Variants in OTULIN observed in about 807,000 individuals in gnomAD.
OTULIN encodes the protein OTU deubiquitinase with linear linkage specificity, also known as ubiquitin thioesterase otulin.
A neutral mutation model predicts 39.6 loss-of-function variants in OTULIN; 15 were observed. The ratio of observed to expected loss-of-function variants is 0.38; its 90% confidence interval spans 0.25 to 0.58. OTULIN has a LOEUF of 0.58. Among genes scored for constraint, OTULIN ranks in the 20% least tolerant of loss-of-function variants. OTULIN has a pLI of 0.66. For missense variants in OTULIN, 319 were observed against 445.9 expected (o/e 0.72, Z 2.56); for synonymous variants, 156 against 170.3 (o/e 0.92, Z 0.65).
chr5:14,712,851 G>A, the OTULIN span: 1 of 1,578,640 alleles, frequency 6.3e-7, no homozygotes, highest in Non-Finnish European at 8.6e-7. Context: ...CCCGGGAGGA[G>A]GCTCCCGGCG....
At chr5:14,689,638 G>A (rs1049958603) in intron 5 of OTULIN, among the ~76,000 whole-genome samples, 1 of 152,170 alleles carries the variant, frequency 6.6e-6, no homozygotes, top group Non-Finnish European at 1.5e-5. Flanking sequence ...GGTTGGCTTT[G>A]TGTTTCTGGG....
intron 1 of OTULIN, among the ~76,000 whole-genome samples, chr5:14,667,185 G>C (rs1237703337): frequency 6.6e-6 from 1 of 152,182 alleles, no homozygotes; most frequent in Non-Finnish European, 1.5e-5. Context: ...ACAAATCATA[G>C]CCCAACTTCT....
In OTULIN at chr5:14,693,327, T is replaced by C. The variant is rs2126342671; in HGVS notation, c.*279T>C. On this transcript the variant is annotated 3_prime_UTR_variant, in exon 7 of 7. Coordinates refer to ENST00000284274, the MANE Select transcript of OTULIN (RefSeq NM_138348.6). ...ATCTTCTCCAGAAGGCAAATACTTT[T>C]GTATCAGAGGAAACTCAGTTTTGGA... is the stretch of plus-strand genomic sequence containing the variant. 3.3e-6 allele frequency: 1 copy of C among 302,768 alleles called. No individual in the cohort carries two copies. Among genetic ancestry groups the C allele is most frequent in the African/African-American group, 2.1e-5 (1 of 46,922 alleles). The allele number at this position is 302,768 out of a possible 1,614,324, so 18.8% of individuals were successfully genotyped here.
rs533773687 is a variant in OTULIN at position 14,695,398 on chromosome 5, G to T, written c.*2350G>T. ...AATGGAGATTAAGTGGATTCAGGAG[G>T]ATGTTCCACTTAGAGCAGTCTTCAA... On this transcript the variant is annotated 3_prime_UTR_variant, in exon 7 of 7. Coordinates refer to ENST00000284274, the MANE Select transcript of OTULIN (RefSeq NM_138348.6). 6.6e-6 allele frequency: 1 copy of T among 152,306 alleles called. No homozygotes were observed. The highest frequency in any genetic ancestry group is 2.1e-4 in the South Asian group (1 of 4,830). The allele number at this position is 152,306 out of a possible 1,614,324, so 9.4% of individuals were successfully genotyped here.
chr5:14,707,139 C>G, the OTULIN span: 6 of 152,144 alleles, frequency 3.9e-5, no homozygotes, highest in Non-Finnish European at 5.9e-5. Context: ...TGGTACTAAC[C>G]GGCACATGCT....
At chr5:14,702,518 A>T (rs1007033730), downstream of OTULIN, among the ~76,000 whole-genome samples, 1 of 152,214 alleles carries the variant, frequency 6.6e-6, no homozygotes, top group African/African-American at 2.4e-5. Context: ...AGAGCATGGA[A>T]TTAAATAGCA....
chr5:14,676,234 A>G (rs965463315), intron 2 of OTULIN, among the ~76,000 whole-genome samples: 1 of 152,122 alleles, frequency 6.6e-6, no homozygotes, highest in African/African-American at 2.4e-5. Flanking sequence ...CTGGTTTTCA[A>G]CTTCCCTATT....
rs545325383 is a variant in OTULIN, at chr5:14,699,270, C to G, written c.*6222C>G. The G allele has an allele frequency of 3.3e-5, 5 of 152,350 alleles. No homozygotes were observed. The East Asian group carries it at 9.6e-4, about 29-fold the overall frequency. The allele number at this position is 152,350 out of a possible 1,614,324, so 9.4% of individuals were successfully genotyped here. ...CTGAAGAGGGGGAAGACTGGACTTT[C>G]AGAAGTATGTTGGGGATAGAGAATG... On this transcript the variant is annotated 3_prime_UTR_variant, in exon 7 of 7. Transcript: ENST00000284274.
Position 14,687,620 on chromosome 5 carries a change from G to C in OTULIN, c.568G>C (p.Glu190Gln). 6.2e-7 allele frequency: 1 copy of C among 1,613,990 alleles called. No homozygotes were observed. Among genetic ancestry groups the C allele is most frequent in the Non-Finnish European group, 8.5e-7 (1 of 1,179,990 alleles). ...KNEDLVDKIK[E>Q]SLTLLRKKWA... The stretch of plus-strand genomic sequence containing the variant: ...TGAGGACCTGGTTGATAAAATTAAA[G>C]AGTCCCTTACTCTGCTGAGGAAGAA... Residue 190 changes from glutamate (E) to glutamine (Q), a missense_variant, in exon 5 of 7, where the codon GAG (glutamate) becomes CAG (glutamine). Glu to Gln is a conservative substitution (Grantham distance 29). Around this residue, in one of 4 missense-constraint regions of OTULIN, gnomAD observed 54 missense variants for 50.7 expected, o/e 1.07. Coordinates refer to ENST00000284274, the MANE Select transcript of OTULIN (RefSeq NM_138348.6).
rs952288838 is a variant in OTULIN, at chr5:14,664,725, G to T, written c.-101G>T. 2 of 1,067,120 alleles carry T rather than the reference G, an allele frequency of 1.9e-6. No individual in the cohort carries two copies. The highest frequency in any genetic ancestry group is 5.3e-5 in the Admixed American group (1 of 19,026). 66.1% of individuals were successfully genotyped at this position (1,067,120 alleles called of 1,614,324 possible). Reference sequence around the variant, plus strand: ...AGCGCTCTGCGGGCCCTCGGAAACCGCCCCGGCGGCTGAGAGGCTGCGGCC... The same window carrying T: ...AGCGCTCTGCGGGCCCTCGGAAACCTCCCCGGCGGCTGAGAGGCTGCGGCC... On this transcript the variant is annotated 5_prime_UTR_variant, in exon 1 of 7. Transcript: ENST00000284274.
chr5:14,711,045 A>G, the OTULIN span: 2 of 738,288 alleles, frequency 2.7e-6, no homozygotes, highest in South Asian at 1.5e-5. Context: ...CCAGTATGCT[A>G]GAGAATTGAC....
At position 14,693,075 on chromosome 5, in the gene OTULIN, G is replaced by T. The variant is rs372132961; in HGVS notation, c.*27G>T. 1.6e-5 allele frequency: 25 copies of T among 1,567,262 alleles called. No homozygotes were observed. The African/African-American group carries it at 3.1e-4, about 20-fold the overall frequency. On this transcript the variant is annotated 3_prime_UTR_variant, in exon 7 of 7. Coordinates refer to ENST00000284274, the MANE Select transcript of OTULIN (RefSeq NM_138348.6). ...AGACGCATGCTCCTGACAGCCTGGC[G>T]ACGTGGCGAAGATGCACAGGTGGCT...
Position 14,687,685 on chromosome 5 carries a change from C to T in OTULIN, c.594+39C>T, listed in dbSNP as rs564576993. 450 of 1,548,312 alleles carry T rather than the reference C, an allele frequency of 2.9e-4. 5 individuals are homozygous for T. In the South Asian group the frequency reaches 5.3e-3, roughly 18 times the overall value. On this transcript the variant is annotated intron_variant, in intron 5 of 6. Transcript: ENST00000284274. ...AGTGTCCTGTCTGATAAGGGTGAAG[C>T]TCTCGTTCTTGCTTGCCCCAGAAGA... is the stretch of plus-strand genomic sequence containing the variant.
intron 1 of OTULIN, 56 bp from the exon 2 acceptor site, chr5:14,673,586 A>C: frequency 1.3e-6 from 2 of 1,517,348 alleles, no homozygotes; most frequent in Non-Finnish European, 1.8e-6. Flanking sequence ...GTATAATAGG[A>C]CGGAAAATGT....
At position 14,697,018 on chromosome 5, in the gene OTULIN, TGAGGTGG is replaced by T. The variant is rs1296296120; in HGVS notation, c.*3972_*3978del. 2.6e-5 allele frequency: 4 copies of T among 152,280 alleles called. No individual in the cohort carries two copies. The highest frequency in any genetic ancestry group is 6.5e-5 in the Admixed American group (1 of 15,272). The allele number at this position is 152,280 out of a possible 1,614,324, so 9.4% of individuals were successfully genotyped here. A position where few individuals can be genotyped will look rare whatever the true frequency, so the allele number is the denominator to read the frequency against. On this transcript the variant is annotated 3_prime_UTR_variant, in exon 7 of 7. Coordinates refer to ENST00000284274, the MANE Select transcript of OTULIN (RefSeq NM_138348.6). ...TCCTGTAAGTCACTAGCAGTAGGTG[TGAGGTGG>T]GCTTGCCCATGACCAGGAGGGGTGT...
chr5:14,711,121 G>A, the OTULIN span: 12 of 1,240,344 alleles, frequency 9.7e-6, no homozygotes, highest in East Asian at 4.6e-5. Context: ...AACAAAATAC[G>A]ATGGGAGAGG....
chr5:14,712,288 T>C, the OTULIN span, among the ~76,000 whole-genome samples: 7 of 152,258 alleles, frequency 4.6e-5, no homozygotes, highest in Admixed American at 4.6e-4. Flanking sequence ...TCTGCTACTC[T>C]CTTGACCAAC....
At chr5:14,689,745 CTGAT>C (rs1465879764) in intron 5 of OTULIN, among the ~76,000 whole-genome samples, 46 of 152,310 alleles carry the variant, frequency 3.0e-4, no homozygotes, top group Non-Finnish European at 5.6e-4. Flanking sequence ...ATAAGTGTCT[CTGAT>C]TGGCTGGTTC....
chr5:14,712,872 ACCTGCTT>A, the OTULIN span: 1 of 1,606,088 alleles, frequency 6.2e-7, no homozygotes, highest in Non-Finnish European at 8.5e-7. Flanking sequence ...CGGCTGTCTC[ACCTGCTT>A]CCGGTAGACA....
Sources: allele counts gnomAD v4.1 joint callset (sites outside exome capture counted in the v4.1 genomes callset), GRCh38; gene constraint gnomAD v4.1.1; regional missense constraint gnomAD v4.1.1; transcripts MANE v1.5; gene names NCBI Gene and HGNC (gene_info 2026-07-23, HGNC 2026-07-21).